CIROZ: variants seen among roughly 807,000 people sequenced by gnomAD.
The protein encoded by CIROZ is ciliated left-right organizer protein containing ZP-N domains, also known as ciliated left-right organizer ZP-N domains-containing protein.
chr1:10,958,747 G>A, the CIROZ span: 5 of 1,613,910 alleles, frequency 3.1e-6, no homozygotes, highest in Non-Finnish European at 3.4e-6. Context: ...GCAGGGGCCG[G>A]GAGACCTGCA....
chr1:10,974,575 G>A, the CIROZ span, among the ~76,000 whole-genome samples: 1,836 of 152,212 alleles, frequency 0.012, 33 homozygotes, highest in African/African-American at 0.042. The surrounding 1 kb of genome is among the most constrained non-coding windows in gnomAD (Gnocchi z 4.4). Context: ...CTGTTCTAAC[G>A]CTAAATAAAA....
chr1:10,964,254 C>T, the CIROZ span: 3 of 1,612,964 alleles, frequency 1.9e-6, no homozygotes, highest in African/African-American at 1.3e-5. Flanking sequence ...TTCTGATTTC[C>T]AGCCTGTAAT....
chr1:10,958,347 G>A, the CIROZ span, among the ~76,000 whole-genome samples: 11 of 152,146 alleles, frequency 7.2e-5, no homozygotes, highest in East Asian at 1.9e-4. Context: ...AGGAAAATTC[G>A]GGAAACACCT....
chr1:10,966,158 G>A, the CIROZ span, among the ~76,000 whole-genome samples: 1 of 152,292 alleles, frequency 6.6e-6, no homozygotes, highest in Non-Finnish European at 1.5e-5. Flanking sequence ...AGGACTGCCT[G>A]GAGGAGGCAG....
the CIROZ span, among the ~76,000 whole-genome samples, chr1:10,951,745 A>AAAAAAAAATATAT: frequency 0.014 from 1,618 of 118,682 alleles, 16 homozygotes; most frequent in Non-Finnish European, 0.021. Context: ...AAAAAAAAAA[A>AAAAAAAAATATAT]ATATATATAT....
the CIROZ span, among the ~76,000 whole-genome samples, chr1:10,952,512 T>TTTTTTTGGTGTTG: frequency 6.6e-6 from 1 of 152,076 alleles, no homozygotes; most frequent in African/African-American, 2.4e-5. Context: ...TCTCTGGGCA[T>TTTTTTTGGTGTTG]TTTTTTGGTG....
chr1:10,952,665 G>C, the CIROZ span, among the ~76,000 whole-genome samples: 1 of 152,276 alleles, frequency 6.6e-6, no homozygotes, highest in Middle Eastern at 3.4e-3. Context: ...AAGTAGCTGC[G>C]ATTACAGATT....
At chr1:10,969,469 C>T in the CIROZ span, among the ~76,000 whole-genome samples, 1 of 152,192 alleles carries the variant, frequency 6.6e-6, no homozygotes, top group Admixed American at 6.5e-5. Context: ...GTGATGGCCT[C>T]CCATTTCTCC....
At chr1:10,974,338 G>A in the CIROZ span, among the ~76,000 whole-genome samples, 1 of 152,072 alleles carries the variant, frequency 6.6e-6, no homozygotes, top group African/African-American at 2.4e-5. This position sits in a 1 kb window ranked among gnomAD's most constrained non-coding sequence, Gnocchi z 4.4. Flanking sequence ...GCGCAGAGAG[G>A]CGATGGGATG....
At chr1:10,946,913 C>T in the CIROZ span, among the ~76,000 whole-genome samples, 1 of 152,226 alleles carries the variant, frequency 6.6e-6, no homozygotes, top group South Asian at 2.1e-4. Flanking sequence ...CCAGAGATGT[C>T]TGAACCATGG....
the CIROZ span, among the ~76,000 whole-genome samples, chr1:10,968,432 G>A: frequency 7.9e-5 from 12 of 152,348 alleles, no homozygotes; most frequent in African/African-American, 2.6e-4. Context: ...ATTCTCTGGT[G>A]ACATGCTTTC....
At chr1:10,968,382 G>A in the CIROZ span, among the ~76,000 whole-genome samples, 3 of 152,136 alleles carry the variant, frequency 2.0e-5, no homozygotes, top group Non-Finnish European at 2.9e-5. Context: ...AGATGAATAC[G>A]CTATTCCAGA....
chr1:10,963,283 GGA>G, the CIROZ span, among the ~76,000 whole-genome samples: 1 of 152,066 alleles, frequency 6.6e-6, no homozygotes, highest in South Asian at 2.1e-4. Context: ...TAGCTACTTG[GGA>G]GGCTGAGGCA....
chr1:10,972,082 A>G, the CIROZ span, among the ~76,000 whole-genome samples: 2 of 152,222 alleles, frequency 1.3e-5, no homozygotes, highest in South Asian at 2.1e-4. Flanking sequence ...GGTTAGGCAC[A>G]TGTTTTCATC....
chr1:10,961,723 C>T, the CIROZ span, among the ~76,000 whole-genome samples: 5 of 152,136 alleles, frequency 3.3e-5, no homozygotes, highest in East Asian at 1.9e-4. Flanking sequence ...GCAGGTGGAT[C>T]GGTTGAGGTC....
At chr1:10,957,104 G>C in the CIROZ span, 1 of 1,548,974 alleles carries the variant, frequency 6.5e-7, no homozygotes, top group Non-Finnish European at 8.7e-7. Context: ...GAGGTGTTCA[G>C]CACCTGGGGA....
chr1:10,949,639 G>A, the CIROZ span: 29 of 1,604,552 alleles, frequency 1.8e-5, no homozygotes, highest in African/African-American at 1.6e-4. Flanking sequence ...CCAGTGCGTC[G>A]GAAGGCCGGT....
chr1:10,951,729 T>TAAAAAA, the CIROZ span, among the ~76,000 whole-genome samples: 9 of 110,176 alleles, frequency 8.2e-5, no homozygotes, highest in African/African-American at 3.3e-4. Context: ...TGTCTCTTAT[T>TAAAAAA]TAAAAAAAAA....
chr1:10,975,378 C>A, the CIROZ span, among the ~76,000 whole-genome samples: 2 of 146,388 alleles, frequency 1.4e-5, no homozygotes, highest in Non-Finnish European at 3.0e-5. Context: ...GCACTCCAGC[C>A]TGGGCGACAA....
Sources: allele counts gnomAD v4.1 joint callset (sites outside exome capture counted in the v4.1 genomes callset), GRCh38; gene constraint gnomAD v4.1.1; non-coding constraint Gnocchi (gnomAD v3.1); transcripts MANE v1.5; gene names NCBI Gene and HGNC (gene_info 2026-07-23, HGNC 2026-07-21).